The following LRFN2 variants were observed in gnomAD, a reference collection of about 807,000 sequenced individuals.
The protein encoded by LRFN2 is leucine-rich repeat and fibronectin type-III domain-containing protein 2.
A neutral mutation model predicts 37.3 loss-of-function variants in LRFN2; 18 were observed. That is an observed-to-expected ratio of 0.48 (90% CI 0.33 to 0.72). LRFN2 has a LOEUF of 0.72. LRFN2 is among the 30% of genes least tolerant of loss of function. LRFN2 has a pLI of 0.02. For missense variants in LRFN2, 1,006 were observed against 1,060.7 expected (o/e 0.95, Z 0.72); for synonymous variants, 556 against 466.6 (o/e 1.19, Z -2.47).
At chr6:40,403,562 A>C (rs954727148) in intron 2 of LRFN2, among the ~76,000 whole-genome samples, 57 of 152,232 alleles carry the variant, frequency 3.7e-4, no homozygotes, top group African/African-American at 1.3e-3. Flanking sequence ...TGAAGGGGCC[A>C]CTTTCCTTTC....
intron 1 of LRFN2, among the ~76,000 whole-genome samples, chr6:40,528,248 G>A (rs1462662023): frequency 2.6e-5 from 4 of 152,238 alleles, no homozygotes; most frequent in African/African-American, 4.8e-5. Flanking sequence ...CCCCACTGGC[G>A]GCCTGCCGAA....
At chr6:40,460,308 T>C (rs1222919636) in intron 1 of LRFN2, among the ~76,000 whole-genome samples, 1 of 152,206 alleles carries the variant, frequency 6.6e-6, no homozygotes, top group African/African-American at 2.4e-5. Context: ...TTCCAGGCTG[T>C]AGACTCTTCC....
At chr6:40,496,940 C>T (rs188608038) in intron 1 of LRFN2, among the ~76,000 whole-genome samples, 72 of 152,190 alleles carry the variant, frequency 4.7e-4, no homozygotes, top group African/African-American at 1.5e-3. Context: ...GTTAATTACT[C>T]AGTGCCTTCC....
chr6:40,562,835 TCACACACACACA>T (rs773357501), intron 1 of LRFN2, among the ~76,000 whole-genome samples: 2 of 125,630 alleles, frequency 1.6e-5, no homozygotes, highest in African/African-American at 2.9e-5. Context: ...GTGCACTCAC[TCACACACACACA>T]CACACACACA....
chr6:40,449,889 A>C (rs778395611), intron 1 of LRFN2, among the ~76,000 whole-genome samples: 2 of 152,154 alleles, frequency 1.3e-5, no homozygotes, highest in Non-Finnish European at 2.9e-5. Flanking sequence ...GAGAAAAAAA[A>C]ATTCTATCTC....
chr6:40,512,209 T>C (rs921008071), intron 1 of LRFN2, among the ~76,000 whole-genome samples: 2 of 152,190 alleles, frequency 1.3e-5, no homozygotes, highest in Non-Finnish European at 2.9e-5. Flanking sequence ...ATCTCTGTTC[T>C]TTCCTGAAAG....
chr6:40,538,433 A>G (rs995535238), intron 1 of LRFN2, among the ~76,000 whole-genome samples: 1 of 152,140 alleles, frequency 6.6e-6, no homozygotes, highest in Non-Finnish European at 1.5e-5. Context: ...GCACCCCAAC[A>G]TGAATTATCA....
intron 1 of LRFN2, among the ~76,000 whole-genome samples, chr6:40,568,839 A>G (rs9394704): frequency 6.6e-6 from 1 of 152,092 alleles, no homozygotes; most frequent in East Asian, 1.9e-4. Context: ...CTCCTACCTC[A>G]GCCTCCCGAG....
chr6:40,506,853 C>T (rs137989637), intron 1 of LRFN2, among the ~76,000 whole-genome samples: 169 of 152,240 alleles, frequency 1.1e-3, no homozygotes, highest in African/African-American at 3.9e-3. Context: ...CTGGGCATCT[C>T]ATTTCTGCTC....
chr6:40,483,548 A>G (rs1281456197), intron 1 of LRFN2, among the ~76,000 whole-genome samples: 1 of 152,218 alleles, frequency 6.6e-6, no homozygotes, highest in East Asian at 1.9e-4. Context: ...TTGAGCACTT[A>G]TTGTGTGCCA....
intron 1 of LRFN2, among the ~76,000 whole-genome samples, chr6:40,488,601 A>G (rs1432622336): frequency 2.0e-5 from 3 of 152,248 alleles, no homozygotes; most frequent in Admixed American, 6.5e-5. Context: ...CAAGCCATTT[A>G]TCAAGCCTTC....
At chr6:40,407,216 G>T (rs1388544621) in intron 2 of LRFN2, among the ~76,000 whole-genome samples, 1 of 152,150 alleles carries the variant, frequency 6.6e-6, no homozygotes, top group Non-Finnish European at 1.5e-5. Flanking sequence ...CCTCATTCAG[G>T]TCTCCACAGA....
chr6:40,392,353 C>A lies in LRFN2; in HGVS notation c.1960G>T (p.Asp654Tyr). 1 of 1,608,188 alleles carries A rather than the reference C, an allele frequency of 6.2e-7. No individual in the cohort carries two copies. The part of the protein sequence containing the change: ...PSAPRPKPSL[D>Y]RLMGAFASLD... ...GAGGCGAAGGCCCCCATCAGGCGGT[C>A]AAGGCTGGGCTTGGGGCGCGGGGCG... is the stretch of plus-strand genomic sequence containing the variant. The change falls in exon 3 of 3, where the codon GAC becomes TAC. Residue 654 changes from aspartate (D) to tyrosine (Y), a missense_variant. Around this residue, in one of 4 missense-constraint regions of LRFN2, gnomAD observed 398 missense variants for 327.6 expected, o/e 1.21. Transcript: ENST00000338305. This position sits in a 1 kb window ranked among gnomAD's most constrained non-coding sequence, Gnocchi z 4.7.
intron 1 of LRFN2, among the ~76,000 whole-genome samples, chr6:40,586,209 T>C (rs1445275731): frequency 1.3e-5 from 2 of 152,188 alleles, no homozygotes; most frequent in East Asian, 3.9e-4. Flanking sequence ...AACGGTCTAC[T>C]GCTCTCCCTC....
At chr6:40,492,830 A>G (rs1017856293) in intron 1 of LRFN2, among the ~76,000 whole-genome samples, 1 of 152,180 alleles carries the variant, frequency 6.6e-6, no homozygotes, top group Admixed American at 6.5e-5. Flanking sequence ...AGGGGGTCAC[A>G]GGAACACCCC....
At chr6:40,506,023 G>C (rs1278949901) in intron 1 of LRFN2, among the ~76,000 whole-genome samples, 1 of 152,220 alleles carries the variant, frequency 6.6e-6, no homozygotes, top group Non-Finnish European at 1.5e-5. Context: ...AGCTCTGAGG[G>C]CCCTCCAGTG....
At chr6:40,402,581 G>A (rs1037542340) in intron 2 of LRFN2, among the ~76,000 whole-genome samples, 1 of 152,166 alleles carries the variant, frequency 6.6e-6, no homozygotes, top group African/African-American at 2.4e-5. Flanking sequence ...ATCCTGTGAG[G>A]GAGGTACTAG....
In LRFN2 at chr6:40,523,988, TGGGAAGGGCAGGGGGAGGGGC is replaced by T. The variant is rs1484086700; in HGVS notation, c.-19+62932_-19+62952del. 10 of 9,410 alleles carry T rather than the reference TGGGAAGGGCAGGGGGAGGGGC, an allele frequency of 1.1e-3. No individual in the cohort carries two copies. The African/African-American group carries it at 0.016, about 15-fold the overall frequency. The allele number at this position is 9,410 out of a possible 1,614,324, so 0.6% of individuals were successfully genotyped here. ...TGCATAGAAGGGCAGGGGGAGGGGC[TGGGAAGGGCAGGGGGAGGGGC>T]TGGGGAGGCCAGCCCAAGCTGCATG... On this transcript the variant is annotated intron_variant, in intron 1 of 2. Transcript: ENST00000338305.
intron 1 of LRFN2, among the ~76,000 whole-genome samples, chr6:40,510,753 G>C (rs1475643596): frequency 6.6e-6 from 1 of 152,218 alleles, no homozygotes; most frequent in Non-Finnish European, 1.5e-5. Flanking sequence ...GCATTGGGTG[G>C]CCATTTGGAC....
Sources: gnomAD v4.1 joint callset for allele counts (sites outside exome capture counted in the v4.1 genomes callset) on GRCh38, gnomAD v4.1.1 for gene constraint, gnomAD v4.1.1 regional missense constraint, Gnocchi (gnomAD v3.1) non-coding constraint, MANE v1.5 for transcripts, NCBI Gene and HGNC (gene_info 2026-07-23, HGNC 2026-07-21) for gene names.